Variants in EIF4E observed in about 807,000 individuals in gnomAD.
EIF4E encodes the protein eukaryotic translation initiation factor 4E.
For synonymous variants in EIF4E, 71 were observed against 88.5 expected (o/e 0.80, Z 1.11); for missense variants, 113 against 265.6 (o/e 0.43, Z 3.99).
At chr4:98,884,566 T>C (rs1723833543) in intron 6 of EIF4E, among the ~76,000 whole-genome samples, 1 of 152,064 alleles carries the variant, frequency 6.6e-6, no homozygotes. Context: ...TACCCAAGCA[T>C]GGTGGCATGC....
intron 1 of EIF4E, among the ~76,000 whole-genome samples, chr4:98,924,048 G>T (rs768584871): frequency 6.6e-6 from 1 of 151,888 alleles, no homozygotes; most frequent in East Asian, 1.9e-4. Flanking sequence ...GCAACTCACC[G>T]GTACTAATAG....
chr4:98,896,008 C>T (rs986769658), intron 2 of EIF4E, among the ~76,000 whole-genome samples: 3 of 136,464 alleles, frequency 2.2e-5, no homozygotes, highest in Non-Finnish European at 3.5e-5. Flanking sequence ...CCATCCTGGC[C>T]AACACGGTGA....
At chr4:98,921,653 A>G (rs1449131849) in intron 1 of EIF4E, among the ~76,000 whole-genome samples, 1 of 152,206 alleles carries the variant, frequency 6.6e-6, no homozygotes, top group Non-Finnish European at 1.5e-5. Flanking sequence ...ACCAAGAAAC[A>G]CGTATGTGTA....
intron 1 of EIF4E, among the ~76,000 whole-genome samples, chr4:98,905,728 A>C (rs1724844890): frequency 6.6e-6 from 1 of 152,240 alleles, no homozygotes; most frequent in Non-Finnish European, 1.5e-5. Context: ...AAAAATGTTC[A>C]GTATTGTAAT....
chr4:98,889,114 A>AC (rs2110182248), intron 3 of EIF4E, among the ~76,000 whole-genome samples: 1 of 151,198 alleles, frequency 6.6e-6, no homozygotes, highest in East Asian at 1.9e-4. Flanking sequence ...AGCCGAGATC[A>AC]CCCCATTGCA....
chr4:98,896,972 C>T (rs34073334), intron 2 of EIF4E, among the ~76,000 whole-genome samples: 19,590 of 152,078 alleles, frequency 0.13, 1,707 homozygotes, highest in Non-Finnish European at 0.19. Flanking sequence ...AAACAAATGA[C>T]GTTTTTAGTT....
intron 1 of EIF4E, among the ~76,000 whole-genome samples, chr4:98,908,165 A>AC (rs1724960025): frequency 6.6e-6 from 1 of 152,120 alleles, no homozygotes; most frequent in Admixed American, 6.6e-5. Flanking sequence ...CTTACACCAG[A>AC]CCTTCCCCAC....
chr4:98,891,442 T>C, intron 2 of EIF4E, 110 bp from the exon 3 acceptor site: 1 of 888,542 alleles, frequency 1.1e-6, no homozygotes, highest in Non-Finnish European at 1.8e-6. Flanking sequence ...CATCAACAGA[T>C]GAATGAAAAA....
intron 2 of EIF4E, among the ~76,000 whole-genome samples, chr4:98,892,631 G>A (rs971811841): frequency 6.1e-5 from 7 of 114,660 alleles, no homozygotes; most frequent in African/African-American, 1.6e-4. Context: ...GCTGTGAGCC[G>A]AGATTGTGCC....
At position 98,880,890 on chromosome 4, in the gene EIF4E, CTCTTA is replaced by C. The variant is rs1402081817; in HGVS notation, c.*133_*137del. 4 of 1,416,928 alleles carry C rather than the reference CTCTTA, an allele frequency of 2.8e-6. No homozygotes were observed. Among genetic ancestry groups the C allele is most frequent in the South Asian group, 1.3e-5 (1 of 74,160 alleles). 87.8% of individuals were successfully genotyped at this position (1,416,928 alleles called of 1,614,324 possible). A position where few individuals can be genotyped will look rare whatever the true frequency, so the allele number is the denominator to read the frequency against. On this transcript the variant is annotated 3_prime_UTR_variant, in exon 7 of 7. Transcript: ENST00000450253. ...TACAAGACAAAGGCGAATGAGACTT[CTCTTA>C]TATCTGAGTAACATTAAGATGGAAA...
intron 6 of EIF4E, among the ~76,000 whole-genome samples, chr4:98,882,159 G>A (rs1560631638): frequency 6.6e-6 from 1 of 151,766 alleles, no homozygotes; most frequent in Admixed American, 6.6e-5. Flanking sequence ...TTGGGAGGCC[G>A]AGGCGGGCGG....
At chr4:98,901,216 AG>A (rs1436296968) in intron 2 of EIF4E, among the ~76,000 whole-genome samples, 9 of 132,100 alleles carry the variant, frequency 6.8e-5, no homozygotes, top group African/African-American at 2.3e-4. Context: ...TTTTTTTTTG[AG>A]ATGGAGTTTC....
chr4:98,901,836 T>C (rs778405039), intron 2 of EIF4E, 40 bp downstream of exon 2: 2 of 1,569,184 alleles, frequency 1.3e-6, no homozygotes, highest in Non-Finnish European at 1.8e-6. Context: ...CAATTTACCT[T>C]GTGGCCTAAC....
intron 6 of EIF4E, among the ~76,000 whole-genome samples, chr4:98,883,779 C>T (rs1020426675): frequency 6.6e-6 from 1 of 151,944 alleles, no homozygotes. Flanking sequence ...TGGTGGCTCA[C>T]GCCTGTAATC....
chr4:98,916,710 T>C (rs980785610), intron 1 of EIF4E, among the ~76,000 whole-genome samples: 4 of 152,184 alleles, frequency 2.6e-5, no homozygotes, highest in Non-Finnish European at 5.9e-5. Context: ...ACCATGAAAC[T>C]TGACTTCAGA....
intron 6 of EIF4E, among the ~76,000 whole-genome samples, chr4:98,881,862 A>G (rs549754526): frequency 1.3e-5 from 2 of 152,330 alleles, no homozygotes; most frequent in African/African-American, 4.8e-5. Flanking sequence ...AAGAGTAAAC[A>G]TAAGGGCTGT....
chr4:98,913,564 C>T (rs562527324), intron 1 of EIF4E, among the ~76,000 whole-genome samples: 2 of 152,224 alleles, frequency 1.3e-5, no homozygotes, highest in South Asian at 2.1e-4. Context: ...CCTCAGCCTT[C>T]GAAGTTGCTA....
chr4:98,897,277 A>G (rs1278532309), intron 2 of EIF4E, among the ~76,000 whole-genome samples: 2 of 151,976 alleles, frequency 1.3e-5, no homozygotes, highest in Non-Finnish European at 2.9e-5. Context: ...GTTTCATATA[A>G]GAATGCCTTT....
intron 1 of EIF4E, among the ~76,000 whole-genome samples, chr4:98,927,654 CAAAAAAAAAAAAAAAAAAA>C (rs774720176): frequency 1.7e-4 from 6 of 35,088 alleles, no homozygotes; most frequent in Admixed American, 4.1e-4. Context: ...GACTCCATCT[CAAAAAAAAAAAAAAAAAAA>C]AAAAAAAAAA....
Sources: allele counts gnomAD v4.1 joint callset (sites outside exome capture counted in the v4.1 genomes callset), GRCh38; gene constraint gnomAD v4.1.1; transcripts MANE v1.5; gene names NCBI Gene and HGNC (gene_info 2026-07-23, HGNC 2026-07-21).